Variants in PRSS23 observed in about 807,000 individuals in gnomAD.
The protein encoded by PRSS23 is protease, serine 23.
A neutral mutation model predicts 34.7 loss-of-function variants in PRSS23; 25 were observed. The ratio of observed to expected loss-of-function variants is 0.72; its 90% CI spans 0.53 to 1.01. PRSS23 has a LOEUF of 1.01. Ranked by LOEUF, PRSS23 falls within the 50% of genes least tolerant of loss-of-function variation. PRSS23 has a pLI of 0.00. For synonymous variants in PRSS23, 176 were observed against 186.6 expected, an observed-to-expected ratio of 0.94 and a Z score of 0.46; for missense variants, 445 against 475.6, an observed-to-expected ratio of 0.94 and a Z score of 0.60.
chr11:86,929,334 AC>A (rs368591313), intron 2 of PRSS23, among the ~76,000 whole-genome samples: 8 of 148,470 alleles, frequency 5.4e-5, no homozygotes, highest in African/African-American at 2.0e-4. Context: ...AAAAAAAAAA[AC>A]AAAAAAAAAA....
chr11:86,944,400 A>C (rs1442144914), intron 2 of PRSS23, among the ~76,000 whole-genome samples: 2 of 152,156 alleles, frequency 1.3e-5, no homozygotes, highest in African/African-American at 4.8e-5. Context: ...TTAAGATTAG[A>C]GGGACACCAT....
intron 2 of PRSS23, among the ~76,000 whole-genome samples, chr11:86,907,215 G>C (rs1395812611): frequency 6.6e-6 from 1 of 152,092 alleles, no homozygotes; most frequent in Non-Finnish European, 1.5e-5. Context: ...TTGTTATATA[G>C]ATTGACTGAT....
intron 2 of PRSS23, among the ~76,000 whole-genome samples, chr11:86,929,876 T>G (rs1212402129): frequency 1.3e-5 from 2 of 152,050 alleles, no homozygotes; most frequent in African/African-American, 4.8e-5. Context: ...GCTCTCTAAG[T>G]TGTGAAATGG....
intron 2 of PRSS23, among the ~76,000 whole-genome samples, chr11:86,923,127 A>C (rs1323880786): frequency 1.6e-5 from 2 of 126,930 alleles, no homozygotes; most frequent in Non-Finnish European, 3.3e-5. Context: ...GTTCCTGTCT[A>C]CTTTTTTTTT....
At chr11:86,861,513 T>C (rs2134934564) in intron 2 of PRSS23, among the ~76,000 whole-genome samples, 1 of 151,954 alleles carries the variant, frequency 6.6e-6, no homozygotes, top group South Asian at 2.1e-4. Flanking sequence ...GTACACGCCC[T>C]TGTGATATTG....
intron 2 of PRSS23, among the ~76,000 whole-genome samples, chr11:86,890,527 C>T (rs1948834446): frequency 6.6e-6 from 1 of 152,160 alleles, no homozygotes. Flanking sequence ...ATGGCAGACA[C>T]ATCTGAATGT....
intron 2 of PRSS23, among the ~76,000 whole-genome samples, chr11:86,918,973 G>T (rs1479585465): frequency 6.6e-6 from 1 of 152,164 alleles, no homozygotes; most frequent in East Asian, 1.9e-4. Context: ...AGGCCAAAGA[G>T]CATAGGCGAA....
chr11:86,825,994 T>G (rs1350090314), intron 2 of PRSS23, among the ~76,000 whole-genome samples: 1 of 152,200 alleles, frequency 6.6e-6, no homozygotes, highest in African/African-American at 2.4e-5. Context: ...AACTTTAAAG[T>G]AGTTTTTTCC....
chr11:86,794,081 C>T (rs1433753565), intron 1 of PRSS23, among the ~76,000 whole-genome samples: 1 of 152,032 alleles, frequency 6.6e-6, no homozygotes, highest in African/African-American at 2.4e-5. Context: ...ATCCAGACCC[C>T]ACACTGAACC....
At chr11:86,825,996 G>GT (rs1256763889) in intron 2 of PRSS23, among the ~76,000 whole-genome samples, 5 of 152,168 alleles carry the variant, frequency 3.3e-5, no homozygotes, top group Middle Eastern at 3.2e-3. Flanking sequence ...CTTTAAAGTA[G>GT]TTTTTTCCAA....
chr11:86,794,289 T>C (rs1565345780), intron 1 of PRSS23, among the ~76,000 whole-genome samples: 1 of 152,120 alleles, frequency 6.6e-6, no homozygotes, highest in Non-Finnish European at 1.5e-5. Context: ...CAAGTTAGAG[T>C]AGATCAGAGA....
chr11:86,838,444 T>C (rs1194695828), intron 2 of PRSS23, among the ~76,000 whole-genome samples: 1 of 152,090 alleles, frequency 6.6e-6, no homozygotes, highest in Non-Finnish European at 1.5e-5. Context: ...CTTGAGTAGC[T>C]CACAGTGTAA....
chr11:86,905,485 C>A (rs1378242564), intron 2 of PRSS23, among the ~76,000 whole-genome samples: 1 of 152,064 alleles, frequency 6.6e-6, no homozygotes, highest in African/African-American at 2.4e-5. Context: ...CAAGCAGACA[C>A]AAAATAAAAT....
At chr11:86,812,799 A>AAAG (rs1555069891), downstream of PRSS23, among the ~76,000 whole-genome samples, 7 of 150,838 alleles carry the variant, frequency 4.6e-5, no homozygotes, top group African/African-American at 1.7e-4. Flanking sequence ...AAAAAAAAAA[A>AAAG]AAAAAGAAAA....
intron 2 of PRSS23, among the ~76,000 whole-genome samples, chr11:86,930,808 A>G (rs1031249970): frequency 6.4e-5 from 9 of 141,526 alleles, no homozygotes; most frequent in Non-Finnish European, 1.1e-4. Flanking sequence ...AAAAAAAAGA[A>G]CGGCTGACCA....
chr11:86,879,164 A>G (rs28558330), intron 2 of PRSS23, among the ~76,000 whole-genome samples: 1,532 of 102,300 alleles, frequency 0.015, 98 homozygotes, highest in Middle Eastern at 0.045. Flanking sequence ...CCGCCATCCC[A>G]TCTAGGAAGT....
chr11:86,934,526 A>C (rs1949148366), intron 2 of PRSS23: 1 of 152,258 alleles, frequency 6.6e-6, no homozygotes, highest in Non-Finnish European at 1.5e-5. Flanking sequence ...ACATAGGGAT[A>C]GTGTCATGTG....
intron 2 of PRSS23, chr11:86,910,034 C>G (rs1369085480): frequency 6.6e-6 from 1 of 152,172 alleles, no homozygotes; most frequent in Non-Finnish European, 1.5e-5. Flanking sequence ...TTCAACTAAA[C>G]ATGTCCAAAA....
chr11:86,795,483 G>C (rs570892947), intron 1 of PRSS23, among the ~76,000 whole-genome samples: 1 of 152,348 alleles, frequency 6.6e-6, no homozygotes, highest in East Asian at 1.9e-4. Context: ...GCTACTCCGG[G>C]ATCCCATGGT....
Sources: allele counts gnomAD v4.1 joint callset (sites outside exome capture counted in the v4.1 genomes callset), GRCh38; gene constraint gnomAD v4.1.1; transcripts MANE v1.5; gene names NCBI Gene and HGNC (gene_info 2026-07-23, HGNC 2026-07-21).